The following MPPED1 variants were observed in gnomAD, a reference collection of about 807,000 sequenced individuals.
The protein encoded by MPPED1 is metallophosphoesterase domain containing 1, also known as metallophosphoesterase domain-containing protein 1.
A neutral mutation model predicts 36.2 loss-of-function variants in MPPED1; 16 were observed. The ratio of observed to expected loss-of-function variants is 0.44; its 90% CI spans 0.30 to 0.67. MPPED1 has a LOEUF of 0.67. MPPED1 is among the 30% of genes least tolerant of loss of function. MPPED1 has a pLI of 0.10. For missense variants in MPPED1, 307 were observed against 453.4 expected (o/e 0.68, Z 2.93); for synonymous variants, 199 against 191.3 (o/e 1.04, Z -0.33).
At chr22:43,496,951 G>A (rs1422319340) in intron 4 of MPPED1, among the ~76,000 whole-genome samples, 14 of 113,792 alleles carry the variant, frequency 1.2e-4, no homozygotes, top group Admixed American at 2.6e-4. Context: ...TGGTGGTGGA[G>A]GTGGTGGTGG....
intron 2 of MPPED1, among the ~76,000 whole-genome samples, chr22:43,426,611 G>A: frequency 6.6e-6 from 1 of 152,214 alleles, no homozygotes; most frequent in East Asian, 1.9e-4. Context: ...GCCTGGTGGG[G>A]TGTGTGTGAG....
intron 2 of MPPED1, among the ~76,000 whole-genome samples, chr22:43,426,370 A>T (rs1929471396): frequency 1.3e-5 from 2 of 152,148 alleles, no homozygotes; most frequent in Non-Finnish European, 2.9e-5. Flanking sequence ...CCTGCAGAGC[A>T]GGGAGGTGAC....
chr22:43,422,533 G>T (rs1247242734), intron 1 of MPPED1, among the ~76,000 whole-genome samples: 1 of 152,164 alleles, frequency 6.6e-6, no homozygotes, highest in East Asian at 1.9e-4. Context: ...ATTTCAAGTA[G>T]AGATGTGATG....
chr22:43,463,575 C>T (rs966358873), intron 3 of MPPED1, among the ~76,000 whole-genome samples: 8 of 151,926 alleles, frequency 5.3e-5, no homozygotes, highest in African/African-American at 1.9e-4. Flanking sequence ...TCCTTGACTT[C>T]GTCTTCCCTC....
At chr22:43,494,430 C>G (rs1276860840) in intron 4 of MPPED1, among the ~76,000 whole-genome samples, 1 of 152,080 alleles carries the variant, frequency 6.6e-6, no homozygotes, top group Non-Finnish European at 1.5e-5. Flanking sequence ...TGCTGGTGAT[C>G]CTGGTTGTTC....
intron 3 of MPPED1, among the ~76,000 whole-genome samples, chr22:43,442,137 A>G (rs989087728): frequency 6.6e-6 from 1 of 151,596 alleles, no homozygotes; most frequent in Non-Finnish European, 1.5e-5. Flanking sequence ...TGTCCTTTCC[A>G]GTCTACTCTC....
chr22:43,500,074 AGGT>A (rs1222506920), intron 5 of MPPED1, among the ~76,000 whole-genome samples: 2 of 65,038 alleles, frequency 3.1e-5, no homozygotes, highest in African/African-American at 6.7e-5. Context: ...ATGGTGATGG[AGGT>A]GGTGGTGATG....
intron 5 of MPPED1, among the ~76,000 whole-genome samples, chr22:43,500,245 C>A (rs1422834709): frequency 3.8e-5 from 2 of 52,434 alleles, no homozygotes; most frequent in East Asian, 5.1e-4. Flanking sequence ...ATGGAGGTGG[C>A]AGTGATGATG....
chr22:43,428,675 C>T (rs536390005), intron 2 of MPPED1, among the ~76,000 whole-genome samples: 2 of 152,236 alleles, frequency 1.3e-5, no homozygotes, highest in East Asian at 3.9e-4. Context: ...CCAAACATGG[C>T]CTCTGGTTGA....
chr22:43,491,756 A>G (rs376503758), intron 4 of MPPED1, among the ~76,000 whole-genome samples: 305 of 26,418 alleles, frequency 0.012, 1 homozygote, highest in Middle Eastern at 0.022. Context: ...TGATGGAGGT[A>G]GTGGTGATGG....
chr22:43,484,604 G>T lies in MPPED1; in HGVS notation c.632+9643G>T, dbSNP rs1280684181. 3.9e-5 allele frequency among the ~76,000 whole-genome samples: 6 copies of T among 152,236 alleles called. No homozygotes were observed. In the South Asian group the frequency reaches 1.0e-3, roughly 26 times the overall value. On this transcript the variant is annotated intron_variant, in intron 4 of 6. Coordinates refer to ENST00000443721, the MANE Select transcript of MPPED1 (RefSeq NM_001044370.2). ...CTCTCCCCTCACAGGGCCCTGGATG[G>T]TGAAACAGGGTGAGACACGCAAAGC...
At chr22:43,437,951 C>T (rs528628092) in intron 3 of MPPED1, among the ~76,000 whole-genome samples, 26 of 152,164 alleles carry the variant, frequency 1.7e-4, no homozygotes, top group African/African-American at 5.1e-4. Flanking sequence ...GAGATGTGGA[C>T]GTGTAGTCTC....
At chr22:43,453,311 G>A (rs9620141) in intron 3 of MPPED1, among the ~76,000 whole-genome samples, 2 of 144,790 alleles carry the variant, frequency 1.4e-5, no homozygotes, top group Admixed American at 7.1e-5. Context: ...GCTATGGGCC[G>A]TTTCCCCGCA....
intron 3 of MPPED1, among the ~76,000 whole-genome samples, chr22:43,471,587 G>A (rs933424427): frequency 5.3e-5 from 8 of 152,198 alleles, no homozygotes; most frequent in South Asian, 4.1e-4. Context: ...CTCCACCAGC[G>A]GTCCAGAAGT....
At chr22:43,449,002 A>T (rs565692433) in intron 3 of MPPED1, among the ~76,000 whole-genome samples, 1 of 152,012 alleles carries the variant, frequency 6.6e-6, no homozygotes, top group East Asian at 1.9e-4. Flanking sequence ...TTTTTAGGCA[A>T]ATTCTTCGTT....
chr22:43,467,638 G>A (rs1336701936), intron 3 of MPPED1, among the ~76,000 whole-genome samples: 1 of 152,066 alleles, frequency 6.6e-6, no homozygotes, highest in African/African-American at 2.4e-5. Context: ...CCTAGACATC[G>A]GCAAGTGTTT....
intron 3 of MPPED1, among the ~76,000 whole-genome samples, chr22:43,469,234 G>A (rs1456793169): frequency 1.3e-5 from 2 of 152,202 alleles, no homozygotes; most frequent in South Asian, 2.1e-4. Flanking sequence ...GGGAGGAATA[G>A]CAGCAGGAAA....
intron 4 of MPPED1, among the ~76,000 whole-genome samples, chr22:43,491,052 G>A (rs1932066385): frequency 6.6e-6 from 1 of 152,222 alleles, no homozygotes; most frequent in Non-Finnish European, 1.5e-5. Flanking sequence ...ATATTTAACT[G>A]AAGTATCCCT....
chr22:43,457,605 C>T (rs1006620603), intron 3 of MPPED1, among the ~76,000 whole-genome samples: 1 of 151,916 alleles, frequency 6.6e-6, no homozygotes, highest in Non-Finnish European at 1.5e-5. Context: ...TCTATTACTG[C>T]CTTCTTTTGT....
Sources: gnomAD v4.1 joint callset for allele counts (sites outside exome capture counted in the v4.1 genomes callset) on GRCh38, gnomAD v4.1.1 for gene constraint, MANE v1.5 for transcripts, NCBI Gene and HGNC (gene_info 2026-07-23, HGNC 2026-07-21) for gene names.